The following SYNRG variants were observed in gnomAD, a reference collection of about 807,000 sequenced individuals.
The protein encoded by SYNRG is AP1 gamma subunit binding protein 1.
A neutral mutation model predicts 130.9 loss-of-function variants in SYNRG; 37 were observed. The observed-to-expected ratio is 0.28, with a 90% CI of 0.22 to 0.37. SYNRG has a LOEUF of 0.37. SYNRG is among the 10% of genes least tolerant of loss of function. SYNRG has a pLI of 1.00. For missense variants in SYNRG, 1,338 were observed against 1,588.9 expected (o/e 0.84, Z 2.68); for synonymous variants, 539 against 568.1 (o/e 0.95, Z 0.73).
rs1490390493 is a variant in SYNRG at position 37,530,779 on chromosome 17, T to G, written c.3666+5200A>C. Among the ~76,000 whole-genome samples, 27 of 152,236 alleles carry G rather than the reference T, an allele frequency of 1.8e-4. 1 individual carries two copies. Among genetic ancestry groups the G allele is most frequent in the Admixed American group, 1.8e-3 (27 of 15,286 alleles). The stretch of plus-strand genomic sequence containing the variant: ...TTCTCCCCAGCTTCTGTTCGCAATA[T>G]TCTGATTCAGCTGCCTTTTAGGGGC... On this transcript the variant is annotated intron_variant, in intron 19 of 21. Transcript: ENST00000612223.
intron 14 of SYNRG, among the ~76,000 whole-genome samples, chr17:37,544,085 C>T (rs1271918498): frequency 6.6e-6 from 1 of 152,190 alleles, no homozygotes; most frequent in Non-Finnish European, 1.5e-5. Flanking sequence ...ATTTCCATAG[C>T]TCTTCTAATG....
intron 19 of SYNRG, among the ~76,000 whole-genome samples, chr17:37,522,788 G>A (rs2055295556): frequency 6.6e-6 from 1 of 152,190 alleles, no homozygotes; most frequent in East Asian, 1.9e-4. Flanking sequence ...CTATAGGCGT[G>A]CACCACCACA....
At chr17:37,524,534 G>A (rs2055583849) in intron 19 of SYNRG, among the ~76,000 whole-genome samples, 1 of 152,246 alleles carries the variant, frequency 6.6e-6, no homozygotes, top group Non-Finnish European at 1.5e-5. Flanking sequence ...CTCTGGTGTA[G>A]GTGATCAAAG....
intron 14 of SYNRG, among the ~76,000 whole-genome samples, chr17:37,544,675 G>T (rs1385698918): frequency 6.6e-6 from 1 of 152,118 alleles, no homozygotes; most frequent in Non-Finnish European, 1.5e-5. Flanking sequence ...AGCTTTCTTG[G>T]TTTTTGCTGT....
At position 37,529,853 on chromosome 17, in the gene SYNRG, T is replaced by TA. The variant is rs1202272263; in HGVS notation, c.3666+6125dup. The TA allele has an allele frequency of 3.2e-6, 5 of 1,551,476 alleles. No homozygotes were observed. In the Admixed American group the frequency reaches 9.8e-5, roughly 30 times the overall value. On this transcript the variant is annotated intron_variant, in intron 19 of 21. Coordinates refer to ENST00000612223, the MANE Select transcript of SYNRG (RefSeq NM_007247.6). Reference sequence around the variant, plus strand: ...CACAGTCATCTTTTCCCAGCAGCACTAGGAGAGAAGAGATGGGTGGCTGAT... The same window carrying TA: ...CACAGTCATCTTTTCCCAGCAGCACTAAGGAGAGAAGAGATGGGTGGCTGAT...
intron 15 of SYNRG, chr17:37,541,437 G>A (rs1052748155): frequency 2.3e-5 from 4 of 176,002 alleles, no homozygotes; most frequent in African/African-American, 9.6e-5. Flanking sequence ...CAACATATGG[G>A]ACTGTAGACC....
chr17:37,594,297 CAATATTAATTATTTTAATTAATATTT>C (rs998894644), intron 3 of SYNRG, among the ~76,000 whole-genome samples: 2 of 144,348 alleles, frequency 1.4e-5, no homozygotes, highest in Non-Finnish European at 3.0e-5. Flanking sequence ...ATATTAATTA[CAATATTAATTATTTTAATTAATATTT>C]AATATTAAAA....
At chr17:37,592,036 C>T (rs755130134) in intron 3 of SYNRG, among the ~76,000 whole-genome samples, 1 of 152,102 alleles carries the variant, frequency 6.6e-6, no homozygotes, top group Non-Finnish European at 1.5e-5. Context: ...GAAGAAAATA[C>T]TTGTAAACCA....
chr17:37,568,691 G>C, intron 11 of SYNRG, 100 bp downstream of exon 11: 1 of 1,253,686 alleles, frequency 8.0e-7, no homozygotes. Flanking sequence ...GTAGAGTAAG[G>C]AGTCTTAATT....
chr17:37,537,604 T>C (rs1332338537), intron 18 of SYNRG: 2 of 152,072 alleles, frequency 1.3e-5, no homozygotes, highest in Non-Finnish European at 2.9e-5. Context: ...CACTCCAACC[T>C]GGGTGACAGA....
rs753294727 is a variant in SYNRG at position 37,568,830 on chromosome 17, G to A, written c.1442C>T (p.Pro481Leu). ...GGAGTTACTTGTTTTTGAAGAAGCA[G>A]GCAACTCTTGGAAATCACTGAATGA... ...DDSFSDFQEL[P>L]ASSKTSNSQH... The change falls in exon 11 of 22, where the codon CCT becomes CTT. Residue 481 changes from proline to leucine, a missense_variant. By Grantham distance (98) the Pro-to-Leu change is moderately conservative. Coordinates refer to ENST00000612223, the MANE Select transcript of SYNRG (RefSeq NM_007247.6). 6 of 1,614,000 alleles carry A rather than the reference G, an allele frequency of 3.7e-6. No individual in the cohort carries two copies. The highest frequency in any genetic ancestry group is 8.5e-7 in the Non-Finnish European group (1 of 1,179,940).
rs1001571886 is a variant in SYNRG, at chr17:37,533,935, T to C, written c.3666+2044A>G. 8.1e-4 allele frequency among the ~76,000 whole-genome samples: 97 copies of C among 120,360 alleles called. 1 individual carries two copies. The highest frequency in any genetic ancestry group is 3.0e-3 in the African/African-American group (93 of 31,500). The allele number at this position is 120,360 out of a possible 152,430, so 79.0% of individuals were successfully genotyped here. ...AACTTCATTTTCTTTTCTTTTTTTTTTTTTTTTTTTTTTTTTTGAGACAGA... is the reference window on the plus strand; with the variant it reads ...AACTTCATTTTCTTTTCTTTTTTTTCTTTTTTTTTTTTTTTTTGAGACAGA... On this transcript the variant is annotated intron_variant, in intron 19 of 21. Transcript: ENST00000612223.
At chr17:37,523,611 G>C (rs1308875757) in intron 19 of SYNRG, among the ~76,000 whole-genome samples, 1 of 152,204 alleles carries the variant, frequency 6.6e-6, no homozygotes, top group African/African-American at 2.4e-5. Context: ...AAGTTGAGGA[G>C]TTCCTCTCAG....
At chr17:37,547,572 C>T (rs551393538) in intron 14 of SYNRG, among the ~76,000 whole-genome samples, 1 of 151,972 alleles carries the variant, frequency 6.6e-6, no homozygotes, top group South Asian at 2.1e-4. Context: ...AAGCAATTCT[C>T]GTGCCTCAGC....
At chr17:37,576,624 A>C (rs1303754324) in intron 7 of SYNRG, 7 of 466,138 alleles carry the variant, frequency 1.5e-5, no homozygotes, top group Non-Finnish European at 2.6e-5. Context: ...TATGTTCTAA[A>C]GAGTAAATTA....
chr17:37,605,450 G>GGCTGCTAAAT (rs2063669734), intron 1 of SYNRG, among the ~76,000 whole-genome samples: 1 of 152,146 alleles, frequency 6.6e-6, no homozygotes, highest in Non-Finnish European at 1.5e-5. Flanking sequence ...AAATGAGGAC[G>GGCTGCTAAAT]TAGAATCAAG....
At chr17:37,522,153 AC>A (rs530580667) in intron 19 of SYNRG, among the ~76,000 whole-genome samples, 170 of 151,908 alleles carry the variant, frequency 1.1e-3, no homozygotes, top group Admixed American at 4.8e-3. Flanking sequence ...ACACACACAC[AC>A]ACAATGGTTA....
At chr17:37,604,625 T>C (rs2063585464) in intron 1 of SYNRG, among the ~76,000 whole-genome samples, 1 of 152,248 alleles carries the variant, frequency 6.6e-6, no homozygotes, top group Non-Finnish European at 1.5e-5. Flanking sequence ...AATAGGACTT[T>C]TAATTTCCTT....
intron 14 of SYNRG, among the ~76,000 whole-genome samples, chr17:37,550,703 A>T (rs1038398899): frequency 6.6e-6 from 1 of 152,304 alleles, no homozygotes. Flanking sequence ...CAGCCAAAAA[A>T]AAAAAAAGGT....
Sources: allele counts gnomAD v4.1 joint callset (sites outside exome capture counted in the v4.1 genomes callset), GRCh38; gene constraint gnomAD v4.1.1; transcripts MANE v1.5; gene names NCBI Gene and HGNC (gene_info 2026-07-23, HGNC 2026-07-21).